The following MGAT4C variants were observed in gnomAD, a reference collection of about 807,000 sequenced individuals.
MGAT4C encodes MGAT4 family member C.
MGAT4C carries 19 observed loss-of-function variants against 40.1 expected under a neutral mutation model. The observed-to-expected ratio is 0.47, with a 90% CI of 0.33 to 0.70. MGAT4C has a LOEUF of 0.70. Among genes scored for constraint, MGAT4C ranks in the 30% least tolerant of loss-of-function variants. The pLI, the probability that MGAT4C is intolerant of heterozygous loss-of-function variation, is 0.02. For missense variants in MGAT4C, 491 were observed against 563.2 expected, an observed-to-expected ratio of 0.87 and a Z score of 1.30; for synonymous variants, 181 against 187.1, an observed-to-expected ratio of 0.97 and a Z score of 0.27.
intron 2 of MGAT4C, among the ~76,000 whole-genome samples, chr12:86,504,297 C>T (rs1346624242): frequency 4.0e-5 from 6 of 151,898 alleles, no homozygotes; most frequent in Admixed American, 1.3e-4. Flanking sequence ...GGCATATAAC[C>T]AAAAAATTTG....
At chr12:86,053,508 C>T (rs1286713147) in intron 1 of MGAT4C, among the ~76,000 whole-genome samples, 2 of 151,842 alleles carry the variant, frequency 1.3e-5, no homozygotes, top group Non-Finnish European at 2.9e-5. Flanking sequence ...CTCTATAATA[C>T]TGGTCTGGAA....
intron 2 of MGAT4C, among the ~76,000 whole-genome samples, chr12:86,045,150 T>C (rs1892261127): frequency 6.6e-6 from 1 of 152,156 alleles, no homozygotes; most frequent in African/African-American, 2.4e-5. Context: ...GTTTTCCCTA[T>C]GTCTCAGTCA....
chr12:86,658,782 C>G (rs990116330), intron 2 of MGAT4C, among the ~76,000 whole-genome samples: 4 of 152,086 alleles, frequency 2.6e-5, no homozygotes, highest in African/African-American at 9.7e-5. Flanking sequence ...ATTATACTTT[C>G]TTGTCCAGTT....
chr12:86,180,150 G>A (rs1420285063), intron 1 of MGAT4C, among the ~76,000 whole-genome samples: 1 of 152,220 alleles, frequency 6.6e-6, no homozygotes, highest in Admixed American at 6.5e-5. Flanking sequence ...GGGTTTAGAG[G>A]GTGGAAGCCC....
At chr12:86,194,975 C>T (rs559203166) in intron 1 of MGAT4C, among the ~76,000 whole-genome samples, 1 of 152,280 alleles carries the variant, frequency 6.6e-6, no homozygotes, top group African/African-American at 2.4e-5. Context: ...AGCATTTTGG[C>T]TAAAATTAAA....
intron 1 of MGAT4C, among the ~76,000 whole-genome samples, chr12:86,739,052 T>A (rs1441077185): frequency 6.7e-6 from 1 of 148,436 alleles, no homozygotes; most frequent in Non-Finnish European, 1.5e-5. Flanking sequence ...CTTTTATTTA[T>A]TATTGTCATT....
intron 2 of MGAT4C, among the ~76,000 whole-genome samples, chr12:86,647,287 A>T (rs2136529931): frequency 6.6e-6 from 1 of 152,006 alleles, no homozygotes; most frequent in South Asian, 2.1e-4. Context: ...AAAAAAATAC[A>T]ATTACTTTGA....
chr12:86,573,363 A>C (rs1028146407), intron 2 of MGAT4C, among the ~76,000 whole-genome samples: 2 of 152,170 alleles, frequency 1.3e-5, no homozygotes, highest in African/African-American at 4.8e-5. Context: ...AATTGTATCT[A>C]TAAGAAAATT....
chr12:86,100,383 G>A (rs1369338931), intron 1 of MGAT4C, among the ~76,000 whole-genome samples: 1 of 151,218 alleles, frequency 6.6e-6, no homozygotes, highest in African/African-American at 2.4e-5. Flanking sequence ...TCTTCTTAAA[G>A]TTACCATTAA....
chr12:86,743,027 G>C (rs1951094056), intron 1 of MGAT4C, among the ~76,000 whole-genome samples: 1 of 145,372 alleles, frequency 6.9e-6, no homozygotes, highest in African/African-American at 2.5e-5. Flanking sequence ...ATGCATGTGT[G>C]TATGTGTATG....
At chr12:86,729,426 C>G (rs1950875065) in intron 1 of MGAT4C, among the ~76,000 whole-genome samples, 1 of 151,780 alleles carries the variant, frequency 6.6e-6, no homozygotes, top group Admixed American at 6.6e-5. Context: ...CAAACACTTC[C>G]TTCACTGAAG....
intron 4 of MGAT4C, among the ~76,000 whole-genome samples, chr12:86,296,210 CAG>C (rs1953669872): frequency 6.6e-6 from 1 of 151,924 alleles, no homozygotes; most frequent in Admixed American, 6.5e-5. Context: ...CAGCTAGATA[CAG>C]AGTGTCGATT....
At position 85,976,573 on chromosome 12, in the gene MGAT4C, G is replaced by C. The variant is rs991341889; in HGVS notation, c.*2716C>G. Reference sequence around the variant, plus strand: ...CTTGAAACCTGTCAGCATTTTATTTGTATGGCAATTAAATGACTCAGCCAT... The same window carrying C: ...CTTGAAACCTGTCAGCATTTTATTTCTATGGCAATTAAATGACTCAGCCAT... On this transcript the variant is annotated 3_prime_UTR_variant, in exon 5 of 5. Transcript: ENST00000611864. The C allele has an allele frequency of 2.7e-5, 4 of 148,732 alleles. No homozygotes were observed. The highest frequency in any genetic ancestry group is 9.8e-5 in the African/African-American group (4 of 40,646). The allele number at this position is 148,732 out of a possible 1,614,324, so 9.2% of individuals were successfully genotyped here. A position where few individuals can be genotyped will look rare whatever the true frequency, so the allele number is the denominator to read the frequency against.
At chr12:85,996,327 T>C (rs915421075) in intron 2 of MGAT4C, among the ~76,000 whole-genome samples, 2 of 152,208 alleles carry the variant, frequency 1.3e-5, no homozygotes, top group East Asian at 1.9e-4. Flanking sequence ...AAAAATTTTA[T>C]GTGCGAAATG....
At chr12:86,681,551 A>T (rs1949981621) in intron 2 of MGAT4C, among the ~76,000 whole-genome samples, 1 of 151,932 alleles carries the variant, frequency 6.6e-6, no homozygotes, top group Non-Finnish European at 1.5e-5. Context: ...GTTATTGAGT[A>T]CTATGCTAGT....
At chr12:86,610,526 G>A (rs1483584515) in intron 2 of MGAT4C, among the ~76,000 whole-genome samples, 1 of 150,802 alleles carries the variant, frequency 6.6e-6, no homozygotes, top group Non-Finnish European at 1.5e-5. Flanking sequence ...AGACACCAAG[G>A]AAGAGGTAAA....
intron 4 of MGAT4C, among the ~76,000 whole-genome samples, chr12:86,294,014 C>G (rs1953597137): frequency 6.6e-6 from 1 of 152,086 alleles, no homozygotes; most frequent in African/African-American, 2.4e-5. Flanking sequence ...CTCCTAGCAA[C>G]AAAATCTCCC....
At chr12:86,132,113 T>C (rs1417288697) in intron 1 of MGAT4C, among the ~76,000 whole-genome samples, 1 of 152,178 alleles carries the variant, frequency 6.6e-6, no homozygotes, top group Admixed American at 6.5e-5. Context: ...TTTGTACATA[T>C]TTATTCTCAT....
intron 1 of MGAT4C, among the ~76,000 whole-genome samples, chr12:86,192,566 G>A (rs1297958559): frequency 6.6e-6 from 1 of 152,142 alleles, no homozygotes; most frequent in Non-Finnish European, 1.5e-5. Context: ...AATCCTAGAT[G>A]AGCCAAAAAG....
Sources: allele counts gnomAD v4.1 joint callset (sites outside exome capture counted in the v4.1 genomes callset), GRCh38; gene constraint gnomAD v4.1.1; transcripts MANE v1.5; gene names NCBI Gene and HGNC (gene_info 2026-07-23, HGNC 2026-07-21).